ACOT7: variants seen among roughly 807,000 people sequenced by gnomAD.
The protein encoded by ACOT7 is acyl-CoA thioesterase 7, also known as cytosolic acyl coenzyme A thioester hydrolase.
A neutral mutation model predicts 40.2 loss-of-function variants in ACOT7; 12 were observed. The ratio of observed to expected loss-of-function variants is 0.30; its 90% confidence interval spans 0.19 to 0.48. The LOEUF is 0.48. ACOT7 is among the 20% of genes least tolerant of loss of function. The pLI is 0.99. For synonymous variants in ACOT7, 228 were observed against 219.5 expected (o/e 1.04, Z -0.34); for missense variants, 395 against 530.8 (o/e 0.74, Z 2.51).
chr1:6,349,553 C>T (rs976141947), intron 2 of ACOT7, among the ~76,000 whole-genome samples, 196 bp downstream of exon 2: 3 of 152,220 alleles, frequency 2.0e-5, no homozygotes, highest in African/African-American at 4.8e-5. Context: ...GTTCCTACAC[C>T]TCCTGGCTGA....
In ACOT7 at chr1:6,368,347, C is replaced by T. The variant is rs78810769; in HGVS notation, c.144-18481G>A. 3.1e-3 allele frequency among the ~76,000 whole-genome samples: 465 copies of T among 152,282 alleles called. 2 individuals are homozygous for T. The highest frequency in any genetic ancestry group is 0.02 in the Middle Eastern group (6 of 294). The stretch of plus-strand genomic sequence containing the variant: ...AAGGGCACCATCAGCAGGGTGGGTG[C>T]GGTGGCTGCACCGCAGTCCAGGTCC... On this transcript the variant is annotated intron_variant, in intron 1 of 8. Coordinates refer to ENST00000361521, the MANE Select transcript of ACOT7 (RefSeq NM_007274.4).
intron 1 of ACOT7, among the ~76,000 whole-genome samples, chr1:6,378,875 C>T (rs944847828): frequency 6.6e-6 from 1 of 151,670 alleles, no homozygotes; most frequent in Non-Finnish European, 1.5e-5. Flanking sequence ...TCCCTAGAGT[C>T]CTAGTTTTAT....
At chr1:6,391,539 G>C (rs1642533422) in intron 1 of ACOT7, among the ~76,000 whole-genome samples, 1 of 152,120 alleles carries the variant, frequency 6.6e-6, no homozygotes. Flanking sequence ...GTTAGAAGCT[G>C]GGTGAAAAAA....
chr1:6,357,210 CT>C (rs1641769911), intron 1 of ACOT7, among the ~76,000 whole-genome samples: 1 of 152,006 alleles, frequency 6.6e-6, no homozygotes, highest in Non-Finnish European at 1.5e-5. Context: ...GCACTCCAGC[CT>C]GGGCAACAAG....
At position 6,275,551 on chromosome 1, in the gene ACOT7, T is replaced by C. The variant is rs979954329; in HGVS notation, c.1014+5551A>G. 1.3e-5 allele frequency among the ~76,000 whole-genome samples: 2 copies of C among 151,966 alleles called. No individual in the cohort carries two copies. The highest frequency in any genetic ancestry group is 4.8e-5 in the African/African-American group (2 of 41,388). ...GGCCAACATGGTGAAACCCCATTTC[T>C]ACTAAAAATACAAAAATTAATAAGG... On this transcript the variant is annotated intron_variant, in intron 8 of 8. Transcript: ENST00000361521. This position sits in a 1 kb window ranked among gnomAD's most constrained non-coding sequence, Gnocchi z 5.6.
Position 6,306,531 on chromosome 1 carries a change from G to C in ACOT7, c.713-11551C>G. On this transcript the variant is annotated intron_variant, in intron 6 of 8. Transcript: ENST00000361521. The surrounding 1 kb of genome is among the most constrained non-coding windows in gnomAD (Gnocchi z 4.3). ...CCCCCGCTGAAGCATCAGGATGGACGTGAAGCTGTTCTTCAGAACAGAAGA... is the reference window on the plus strand; with the variant it reads ...CCCCCGCTGAAGCATCAGGATGGACCTGAAGCTGTTCTTCAGAACAGAAGA... 1.0e-6 allele frequency: 1 copy of C among 985,400 alleles called. No individual in the cohort carries two copies. Among genetic ancestry groups the C allele is most frequent in the Non-Finnish European group, 1.2e-6 (1 of 829,914 alleles). 61.0% of individuals were successfully genotyped at this position (985,400 alleles called of 1,614,324 possible). A position where few individuals can be genotyped will look rare whatever the true frequency, so the allele number is the denominator to read the frequency against.
rs1642574245 is a variant in ACOT7, at chr1:6,393,502, G to A, written c.-103C>T. 6.6e-6 allele frequency: 7 copies of A among 1,065,304 alleles called. No individual in the cohort carries two copies. Among genetic ancestry groups the A allele is most frequent in the Non-Finnish European group, 7.1e-6 (6 of 844,396 alleles). The allele number at this position is 1,065,304 out of a possible 1,614,324, so 66.0% of individuals were successfully genotyped here. ...CCCGCGCCGACCCCGCCCCCGCGCC[G>A]GCCCCACCCCGAGCCCCGCCTCCCA... On this transcript the variant is annotated 5_prime_UTR_variant, in exon 1 of 9. Coordinates refer to ENST00000361521, the MANE Select transcript of ACOT7 (RefSeq NM_007274.4).
chr1:6,288,552 A>G lies in ACOT7; in HGVS notation c.829+6312T>C, dbSNP rs143441712. ...AGCCACGGAGGCTGTGAGCAGAGGA[A>G]TAGCAGGTCCCTAGCGTCAAAAGGC... On this transcript the variant is annotated intron_variant, in intron 7 of 8. Coordinates refer to ENST00000361521, the MANE Select transcript of ACOT7 (RefSeq NM_007274.4). This position sits in a 1 kb window ranked among gnomAD's most constrained non-coding sequence, Gnocchi z 4.3. 6.6e-6 allele frequency among the ~76,000 whole-genome samples: 1 copy of G among 152,202 alleles called. No individual in the cohort carries two copies. Among genetic ancestry groups the G allele is most frequent in the South Asian group, 2.1e-4 (1 of 4,830 alleles).
chr1:6,389,495 G>A (rs1642498723), intron 1 of ACOT7, among the ~76,000 whole-genome samples: 1 of 151,894 alleles, frequency 6.6e-6, no homozygotes, highest in Non-Finnish European at 1.5e-5. Flanking sequence ...TCTACATATT[G>A]CACTCCCCAA....
At chr1:6,373,577 G>C (rs1642173504) in intron 1 of ACOT7, among the ~76,000 whole-genome samples, 1 of 152,012 alleles carries the variant, frequency 6.6e-6, no homozygotes, top group African/African-American at 2.4e-5. Flanking sequence ...AAAGAAGGCA[G>C]GACCTGGCTG....
intron 8 of ACOT7, among the ~76,000 whole-genome samples, chr1:6,273,007 C>G (rs183901662): frequency 9.3e-4 from 142 of 152,352 alleles, no homozygotes; most frequent in African/African-American, 3.2e-3. Flanking sequence ...TTGTATGCCC[C>G]CCAGGCCTGG....
intron 1 of ACOT7, among the ~76,000 whole-genome samples, chr1:6,375,843 C>T (rs562436200): frequency 6.6e-6 from 1 of 151,266 alleles, no homozygotes; most frequent in Admixed American, 6.6e-5. Context: ...GAGGCCGAGA[C>T]AGAAGAATGG....
rs561914352 is a variant in ACOT7 at position 6,343,317 on chromosome 1, G to C, written c.262-3728C>G. Among the ~76,000 whole-genome samples, 400 of 152,360 alleles carry C rather than the reference G, an allele frequency of 2.6e-3. 3 individuals carry two copies. The highest frequency in any genetic ancestry group is 8.6e-3 in the African/African-American group (357 of 41,586). On this transcript the variant is annotated intron_variant, in intron 2 of 8. Coordinates refer to ENST00000361521, the MANE Select transcript of ACOT7 (RefSeq NM_007274.4). ...TCACTGAGGTGGGGTTAACATGCAAGCTCCGGGGCCCACCCCAAACCCAGC... is the reference window on the plus strand; with the variant it reads ...TCACTGAGGTGGGGTTAACATGCAACCTCCGGGGCCCACCCCAAACCCAGC...
chr1:6,276,853 A>G (rs1639206717), intron 8 of ACOT7, among the ~76,000 whole-genome samples: 3 of 152,146 alleles, frequency 2.0e-5, no homozygotes, highest in Non-Finnish European at 4.4e-5. Context: ...TTAATGAGTG[A>G]GAAATAACAG....
intron 6 of ACOT7, among the ~76,000 whole-genome samples, chr1:6,314,365 C>T (rs906216154): frequency 6.6e-6 from 1 of 151,792 alleles, no homozygotes; most frequent in African/African-American, 2.4e-5. Flanking sequence ...TGGATTGTTT[C>T]CACATAATAC....
At position 6,301,842 on chromosome 1, in the gene ACOT7, T is replaced by C. The variant is rs1418084010; in HGVS notation, c.713-6862A>G. ...AAGCCCACACTCAAAATGATCTTGC[T>C]GTGTGAGCTGGACGGTGACATTTAC... On this transcript the variant is annotated intron_variant, in intron 6 of 8. Coordinates refer to ENST00000361521, the MANE Select transcript of ACOT7 (RefSeq NM_007274.4). This position sits in a 1 kb window ranked among gnomAD's most constrained non-coding sequence, Gnocchi z 4.1. 6.6e-6 allele frequency among the ~76,000 whole-genome samples: 1 copy of C among 152,194 alleles called. No individual in the cohort carries two copies. Among genetic ancestry groups the C allele is most frequent in the African/African-American group, 2.4e-5 (1 of 41,442 alleles).
At position 6,291,462 on chromosome 1, in the gene ACOT7, C is replaced by T. The variant is rs534565872; in HGVS notation, c.829+3402G>A. ...TTCAGAGGGACCTTGGCCCTGCTGA[C>T]GCCTTGATTTCAGAATTCTGGCCTC... On this transcript the variant is annotated intron_variant, in intron 7 of 8. Transcript: ENST00000361521. 4.6e-5 allele frequency among the ~76,000 whole-genome samples: 7 copies of T among 152,302 alleles called. 1 individual carries two copies. Among genetic ancestry groups the T allele is most frequent in the South Asian group, 2.1e-4 (1 of 4,828 alleles).
chr1:6,284,513 T>C (rs1291824872), intron 7 of ACOT7, among the ~76,000 whole-genome samples: 7 of 147,930 alleles, frequency 4.7e-5, no homozygotes. Context: ...GAGGCGCAGG[T>C]TGCAGTGAGC....
Position 6,306,893 on chromosome 1 carries a change from A to G in ACOT7, c.712+11599T>C. ...GAAAGTCAACTCCTCCTGCAGGTGC[A>G]AAAGATTGTTTTTTCACAACTGCCC... On this transcript the variant is annotated intron_variant, in intron 6 of 8. Transcript: ENST00000361521. The surrounding 1 kb of genome is among the most constrained non-coding windows in gnomAD (Gnocchi z 4.3). 7.8e-7 allele frequency: 1 copy of G among 1,289,120 alleles called. No homozygotes were observed. The highest frequency in any genetic ancestry group is 1.0e-6 in the Non-Finnish European group (1 of 988,678). The allele number at this position is 1,289,120 out of a possible 1,614,324, so 79.9% of individuals were successfully genotyped here.
Sources: allele counts gnomAD v4.1 joint callset (sites outside exome capture counted in the v4.1 genomes callset), GRCh38; gene constraint gnomAD v4.1.1; non-coding constraint Gnocchi (gnomAD v3.1); transcripts MANE v1.5; gene names NCBI Gene and HGNC (gene_info 2026-07-23, HGNC 2026-07-21).